Variants in ZNF532 observed in about 807,000 individuals in gnomAD.
ZNF532 encodes the protein zinc finger protein 532.
In ZNF532, 22 loss-of-function variants were observed where a neutral mutation model predicts 89.3. The observed-to-expected ratio is 0.25, with a 90% confidence interval of 0.18 to 0.35. The LOEUF is 0.35. ZNF532 is among the 10% of genes least tolerant of loss of function. The probability of loss-of-function intolerance (pLI) is 1.00; values close to 1 mark genes in which losing one functional copy is unlikely to be tolerated. For synonymous variants in ZNF532, 606 were observed against 649.6 expected, an observed-to-expected ratio of 0.93 and a Z score of 1.02; for missense variants, 1,132 against 1,643.4, an observed-to-expected ratio of 0.69 and a Z score of 5.38.
chr18:58,954,384 C>T (rs1371316473), intron 7 of ZNF532: 3 of 423,982 alleles, frequency 7.1e-6, no homozygotes, highest in South Asian at 1.0e-4. Flanking sequence ...ACTTATTAGA[C>T]CTAATAATAT....
chr18:58,885,902 G>A (rs1346704797), intron 2 of ZNF532, among the ~76,000 whole-genome samples: 1 of 151,574 alleles, frequency 6.6e-6, no homozygotes, highest in Non-Finnish European at 1.5e-5. Flanking sequence ...CCCTCACCCC[G>A]TTTCATAGCC....
rs561172580 is a variant in ZNF532, at chr18:58,953,318, A to G, written c.2869-200A>G. The G allele has an allele frequency of 9.1e-4, 455 of 497,646 alleles. 1 individual carries two copies. The highest frequency in any genetic ancestry group is 3.8e-3 in the Admixed American group (101 of 26,556). 30.8% of individuals were successfully genotyped at this position (497,646 alleles called of 1,614,324 possible). A position where few individuals can be genotyped will look rare whatever the true frequency, so the allele number is the denominator to read the frequency against. ...ATAGGCCTTTAAAAAGCATTTGGAA[A>G]GAGAAATGCATAACGTATAGCAGAC... On this transcript the variant is annotated intron_variant, in intron 6 of 9. Transcript: ENST00000591808.
In ZNF532 at chr18:58,888,717, AT is replaced by A. The variant is rs2058503090; in HGVS notation, c.-18+23139del. Reference sequence around the variant, plus strand: ...AAAAATTATATATATATATATATATATATATATAAATTATATATATATATTT... The same window carrying A: ...AAAAATTATATATATATATATATATAATATATAAATTATATATATATATTT... On this transcript the variant is annotated intron_variant, in intron 2 of 9. Transcript: ENST00000591808. Among the ~76,000 whole-genome samples the A allele has an allele frequency of 1.6e-4, 8 of 49,514 alleles. No individual in the cohort carries two copies. The South Asian group carries it at 5.4e-3, about 33-fold the overall frequency. 32.5% of individuals were successfully genotyped at this position (49,514 alleles called of 152,430 possible). A position where few individuals can be genotyped will look rare whatever the true frequency, so the allele number is the denominator to read the frequency against.
At chr18:58,956,908 C>T (rs900202479) in intron 7 of ZNF532, among the ~76,000 whole-genome samples, 4 of 152,194 alleles carry the variant, frequency 2.6e-5, no homozygotes, top group African/African-American at 9.6e-5. Context: ...TGGGAAAATT[C>T]AACCACTCTT....
intron 2 of ZNF532, chr18:58,916,602 C>T: frequency 1.7e-6 from 1 of 572,226 alleles, no homozygotes. Flanking sequence ...TCGGTATTAA[C>T]CGAGACAGGT....
At chr18:58,890,854 A>T (rs1374067813) in intron 2 of ZNF532, among the ~76,000 whole-genome samples, 1 of 149,462 alleles carries the variant, frequency 6.7e-6, no homozygotes, top group Non-Finnish European at 1.5e-5. Flanking sequence ...TTCCTTCTTA[A>T]ACTATTTTTT....
Position 58,888,751 on chromosome 18 carries a change from A to AATT in ZNF532, c.-18+23172_-18+23173insATT, listed in dbSNP as rs2058543487. 1.0e-4 allele frequency among the ~76,000 whole-genome samples: 5 copies of AATT among 47,988 alleles called. 1 individual carries two copies. Among genetic ancestry groups the AATT allele is most frequent in the Non-Finnish European group, 1.6e-4 (5 of 30,528 alleles). 31.5% of individuals were successfully genotyped at this position (47,988 alleles called of 152,430 possible). Reference sequence around the variant, plus strand: ...AATTATATATATATATTTTATATATATATAAAATTAATATATATAATTTAT... The same window carrying AATT: ...AATTATATATATATATTTTATATATAATTTATAAAATTAATATATATAATTTAT... On this transcript the variant is annotated intron_variant, in intron 2 of 9. Transcript: ENST00000591808.
At chr18:58,922,844 A>G (rs2061224975) in intron 3 of ZNF532, among the ~76,000 whole-genome samples, 1 of 152,124 alleles carries the variant, frequency 6.6e-6, no homozygotes. Context: ...CTTCTCTGAG[A>G]GCAAGGAAGG....
upstream of ZNF532, chr18:58,863,444 C>T (rs1459541707): frequency 5.9e-5 from 1 of 16,926 alleles, no homozygotes; most frequent in Non-Finnish European, 1.4e-4. Flanking sequence ...CTCCCTTCCC[C>T]CACCGGCCGC....
chr18:58,942,265 G>T (rs1033657402), intron 5 of ZNF532, among the ~76,000 whole-genome samples: 6 of 147,320 alleles, frequency 4.1e-5, no homozygotes, highest in African/African-American at 5.1e-5. Context: ...CTCGTGATCC[G>T]CCCACCTTGG....
intron 6 of ZNF532, among the ~76,000 whole-genome samples, chr18:58,951,940 C>T (rs1044452473): frequency 2.0e-5 from 3 of 152,064 alleles, no homozygotes; most frequent in Non-Finnish European, 4.4e-5. Context: ...TGAGCCACTG[C>T]GCGTGGCCCA....
chr18:58,885,282 C>G (rs533734973), intron 2 of ZNF532, among the ~76,000 whole-genome samples: 5 of 152,306 alleles, frequency 3.3e-5, no homozygotes, highest in African/African-American at 4.8e-5. Context: ...AGCCACAGCG[C>G]TCAGCTGGGT....
At chr18:58,916,420 A>C (rs1228362610) in intron 2 of ZNF532, among the ~76,000 whole-genome samples, 1 of 152,076 alleles carries the variant, frequency 6.6e-6, no homozygotes, top group Admixed American at 6.6e-5. Context: ...CCCTTTAGAG[A>C]TGTTAATGTT....
chr18:58,949,601 A>C (rs966017863), intron 6 of ZNF532, among the ~76,000 whole-genome samples: 1 of 152,320 alleles, frequency 6.6e-6, no homozygotes, highest in South Asian at 2.1e-4. Context: ...ACTTGAACTC[A>C]GGAGGCAGAG....
chr18:58,893,447 G>A (rs8089293), intron 2 of ZNF532, among the ~76,000 whole-genome samples: 13,706 of 151,734 alleles, frequency 0.09, 1,123 homozygotes, highest in East Asian at 0.38. Context: ...TGGGTGGATC[G>A]CTTGCCCAGC....
intron 2 of ZNF532, among the ~76,000 whole-genome samples, chr18:58,875,858 G>A (rs898167557): frequency 4.0e-5 from 6 of 150,942 alleles, no homozygotes; most frequent in East Asian, 1.9e-4. Flanking sequence ...CTGGTGTTCC[G>A]TACCTCTCGG....
intron 2 of ZNF532, among the ~76,000 whole-genome samples, chr18:58,866,975 C>T (rs1276701361): frequency 6.6e-6 from 1 of 152,236 alleles, no homozygotes; most frequent in African/African-American, 2.4e-5. Flanking sequence ...TTCTGACTGC[C>T]AGAGGTTCTG....
At chr18:58,930,497 G>A (rs1268286778) in intron 3 of ZNF532, among the ~76,000 whole-genome samples, 1 of 152,068 alleles carries the variant, frequency 6.6e-6, no homozygotes, top group African/African-American at 2.4e-5. Context: ...GCATGGCGGT[G>A]CGTGCCTGCA....
At chr18:58,924,458 A>C (rs536532369) in intron 3 of ZNF532, among the ~76,000 whole-genome samples, 1 of 152,310 alleles carries the variant, frequency 6.6e-6, no homozygotes, top group East Asian at 1.9e-4. Context: ...TGTAAAGGGT[A>C]TGGCCTCTGG....
Sources: allele counts gnomAD v4.1 joint callset (sites outside exome capture counted in the v4.1 genomes callset), GRCh38; gene constraint gnomAD v4.1.1; transcripts MANE v1.5; gene names NCBI Gene and HGNC (gene_info 2026-07-23, HGNC 2026-07-21).